ROR1: variants seen among roughly 807,000 people sequenced by gnomAD.
ROR1 encodes ROR family WNT receptor 1.
A neutral mutation model predicts 78.8 loss-of-function variants in ROR1; 19 were observed. The observed-to-expected ratio is 0.24, with a 90% CI of 0.17 to 0.35. The LOEUF (loss-of-function observed/expected upper bound fraction) is 0.35, where lower values mean the gene tolerates loss of function less well. ROR1 is among the 10% of genes least tolerant of loss of function. The pLI is 1.00. For missense variants in ROR1, 917 were observed against 1,177.8 expected (o/e 0.78, Z 3.24); for synonymous variants, 386 against 433.6 (o/e 0.89, Z 1.36).
At chr1:63,794,037 C>G (rs1327858241) in intron 1 of ROR1, among the ~76,000 whole-genome samples, 1 of 152,178 alleles carries the variant, frequency 6.6e-6, no homozygotes, top group Non-Finnish European at 1.5e-5. Flanking sequence ...TGCTGGGGAA[C>G]CAGGAAGCAC....
intron 1 of ROR1, among the ~76,000 whole-genome samples, chr1:63,909,715 A>T (rs1017493239): frequency 5.9e-5 from 9 of 151,856 alleles, no homozygotes; most frequent in Non-Finnish European, 1.3e-4. Flanking sequence ...CTTTTTTTTT[A>T]AATATATAAA....
intron 1 of ROR1, among the ~76,000 whole-genome samples, chr1:63,978,142 C>T (rs11584413): frequency 0.018 from 2,712 of 152,220 alleles, 40 homozygotes; most frequent in Non-Finnish European, 0.027. Flanking sequence ...AGATTAGAAC[C>T]CAGGAATTTT....
Position 64,050,563 on chromosome 1 carries a change from A to G in ROR1, c.452-123A>G, listed in dbSNP as rs1646820661. 1.4e-5 allele frequency: 13 copies of G among 956,116 alleles called. No individual in the cohort carries two copies. The South Asian group carries it at 1.8e-4, about 13-fold the overall frequency. The allele number at this position is 956,116 out of a possible 1,614,324, so 59.2% of individuals were successfully genotyped here. A position where few individuals can be genotyped will look rare whatever the true frequency, so the allele number is the denominator to read the frequency against. The stretch of plus-strand genomic sequence containing the variant: ...GGAATAGAGCAAAACAATAAATTCC[A>G]GAAAAATAAATACTACCTCTGGGTG... On this transcript the variant is annotated intron_variant, in intron 3 of 8. Coordinates refer to ENST00000371079, the MANE Select transcript of ROR1 (RefSeq NM_005012.4).
chr1:63,860,590 C>CACACAT (rs1553138065), intron 1 of ROR1, among the ~76,000 whole-genome samples: 3,556 of 148,732 alleles, frequency 0.024, 55 homozygotes, highest in Middle Eastern at 0.045. Context: ...CACACACACA[C>CACACAT]ACACACACAC....
At chr1:63,995,894 TAGATTCAATGGTAC>T (rs1390281824) in intron 1 of ROR1, among the ~76,000 whole-genome samples, 3 of 152,146 alleles carry the variant, frequency 2.0e-5, no homozygotes, top group Non-Finnish European at 4.4e-5. Flanking sequence ...AAAGCAAGTC[TAGATTCAATGGTAC>T]AGAAATACAC....
At chr1:63,837,414 G>A (rs879331238) in intron 1 of ROR1, among the ~76,000 whole-genome samples, 1 of 152,128 alleles carries the variant, frequency 6.6e-6, no homozygotes, top group Non-Finnish European at 1.5e-5. Context: ...TCCCTATGTA[G>A]TTTGTGTACC....
chr1:64,042,267 A>G (rs1646751134), intron 2 of ROR1, among the ~76,000 whole-genome samples: 1 of 152,212 alleles, frequency 6.6e-6, no homozygotes, highest in Admixed American at 6.5e-5. Flanking sequence ...GGTGGGACCC[A>G]GGTATCAGTA....
chr1:63,905,720 A>T (rs1034871675), intron 1 of ROR1, among the ~76,000 whole-genome samples: 8 of 152,218 alleles, frequency 5.3e-5, no homozygotes, highest in Non-Finnish European at 1.0e-4. Flanking sequence ...TTGACGTTCT[A>T]GCTTGACCTT....
In ROR1 at chr1:64,177,456, C is replaced by A. The variant is rs1279093331; in HGVS notation, c.1415C>A (p.Ala472Asp). 4 of 1,614,002 alleles carry A rather than the reference C, an allele frequency of 2.5e-6. No homozygotes were observed. Among genetic ancestry groups the A allele is most frequent in the Admixed American group, 1.7e-5 (1 of 60,012 alleles). The change falls in exon 9 of 9, where the codon GCT (alanine) becomes GAT (aspartate). Residue 472 changes from alanine (A) to aspartate (D), a missense_variant. Transcript: ENST00000371079. ...KSKAKELPLS[A>D]VRFMEELGEC... ...AAGGCTAAAGAGCTACCTCTTTCTG[C>A]TGTACGCTTTATGGAAGAATTGGGT...
chr1:63,955,060 G>A (rs1242720371), intron 1 of ROR1, among the ~76,000 whole-genome samples: 1 of 152,114 alleles, frequency 6.6e-6, no homozygotes, highest in African/African-American at 2.4e-5. Context: ...GTAACATATT[G>A]GGTGGTGACA....
intron 1 of ROR1, among the ~76,000 whole-genome samples, chr1:63,879,204 C>T (rs1645307836): frequency 6.6e-6 from 1 of 152,228 alleles, no homozygotes; most frequent in South Asian, 2.1e-4. Context: ...TTCCTATTAT[C>T]TGCTGAGAGG....
intron 1 of ROR1, among the ~76,000 whole-genome samples, chr1:63,947,310 A>T (rs1645898244): frequency 6.6e-6 from 1 of 152,180 alleles, no homozygotes; most frequent in East Asian, 1.9e-4. Flanking sequence ...CATCTATGCT[A>T]ATATGGCATT....
chr1:64,078,616 C>A (rs1647072515), intron 4 of ROR1, among the ~76,000 whole-genome samples: 1 of 152,058 alleles, frequency 6.6e-6, no homozygotes, highest in African/African-American at 2.4e-5. Context: ...ACTAAAAATG[C>A]CGGACAGAGA....
At chr1:64,160,477 CA>C (rs141684682) in intron 8 of ROR1, among the ~76,000 whole-genome samples, 20 of 145,922 alleles carry the variant, frequency 1.4e-4, no homozygotes, top group Admixed American at 4.1e-4. Context: ...AAGCAAACAA[CA>C]AAAAAAAAAC....
intron 1 of ROR1, among the ~76,000 whole-genome samples, chr1:63,928,388 G>A (rs111363341): frequency 7.2e-5 from 11 of 152,146 alleles, no homozygotes; most frequent in Admixed American, 2.0e-4. Flanking sequence ...ACTGGGGTTG[G>A]CACCAGTCAC....
chr1:63,812,936 T>A (rs1292712716), intron 1 of ROR1, among the ~76,000 whole-genome samples: 1 of 152,126 alleles, frequency 6.6e-6, no homozygotes, highest in Non-Finnish European at 1.5e-5. Context: ...CTCCAGGGTG[T>A]CTGGTTCTAA....
intron 1 of ROR1, among the ~76,000 whole-genome samples, chr1:63,940,200 GA>G (rs1645825001): frequency 6.6e-6 from 1 of 152,038 alleles, no homozygotes. Context: ...CCACTCTAAA[GA>G]ACCAGGGGTC....
intron 1 of ROR1, among the ~76,000 whole-genome samples, chr1:63,866,566 A>G (rs1645216654): frequency 6.6e-6 from 1 of 152,160 alleles, no homozygotes; most frequent in Non-Finnish European, 1.5e-5. Flanking sequence ...AATTTAGGAG[A>G]AGAAAGCTTT....
At chr1:64,064,060 T>A (rs1424289742) in intron 4 of ROR1, among the ~76,000 whole-genome samples, 1 of 152,128 alleles carries the variant, frequency 6.6e-6, no homozygotes. Context: ...CAGGATCCAA[T>A]CAGGAAAGCA....
Sources: gnomAD v4.1 joint callset for allele counts (sites outside exome capture counted in the v4.1 genomes callset) on GRCh38, gnomAD v4.1.1 for gene constraint, MANE v1.5 for transcripts, NCBI Gene and HGNC (gene_info 2026-07-23, HGNC 2026-07-21) for gene names.